The following NXN variants were observed in gnomAD, a reference collection of about 807,000 sequenced individuals.
The protein encoded by NXN is nucleoredoxin, also known as nucleoredoxin 1.
A neutral mutation model predicts 48.6 loss-of-function variants in NXN; 16 were observed. That is an observed-to-expected ratio of 0.33 (90% CI 0.22 to 0.50). The LOEUF is 0.50. NXN is among the 20% of genes least tolerant of loss of function. NXN has a pLI of 0.98. For missense variants in NXN, 492 were observed against 605.5 expected, an observed-to-expected ratio of 0.81 and a Z score of 1.97; for synonymous variants, 281 against 269.6, an observed-to-expected ratio of 1.04 and a Z score of -0.41.
intron 1 of NXN, among the ~76,000 whole-genome samples, chr17:901,520 C>T (rs918207299): frequency 1.3e-5 from 2 of 152,116 alleles, no homozygotes; most frequent in Admixed American, 6.5e-5. Context: ...ATGAAAAGCA[C>T]GGGATCTACC....
chr17:868,123 T>G (rs1185211745), intron 1 of NXN, among the ~76,000 whole-genome samples: 2 of 151,926 alleles, frequency 1.3e-5, no homozygotes, highest in African/African-American at 2.4e-5. Context: ...AGTTCCAGAG[T>G]CATCTCCCTC....
chr17:959,751 G>A (rs543770236), intron 1 of NXN, among the ~76,000 whole-genome samples: 1 of 148,820 alleles, frequency 6.7e-6, no homozygotes, highest in African/African-American at 2.5e-5. Flanking sequence ...CTTAGATCGC[G>A]CCACCACACT....
At chr17:894,143 C>G (rs2068454176) in intron 1 of NXN, among the ~76,000 whole-genome samples, 1 of 130,770 alleles carries the variant, frequency 7.6e-6, no homozygotes, top group Non-Finnish European at 1.6e-5. Flanking sequence ...CTCAAACGCC[C>G]TGGAAGCCAG....
At chr17:975,154 C>T (rs1015772693) in intron 1 of NXN, among the ~76,000 whole-genome samples, 1 of 152,112 alleles carries the variant, frequency 6.6e-6, no homozygotes, top group Non-Finnish European at 1.5e-5. Context: ...TCCTTTATTA[C>T]TAAAAGACTG....
At chr17:970,787 A>T (rs1025206191) in intron 1 of NXN, among the ~76,000 whole-genome samples, 1 of 152,152 alleles carries the variant, frequency 6.6e-6, no homozygotes, top group Non-Finnish European at 1.5e-5. Flanking sequence ...TCCAGCTCTA[A>T]CATACTTGGA....
chr17:905,035 A>C (rs1478001352), intron 1 of NXN: 1 of 152,074 alleles, frequency 6.6e-6, no homozygotes, highest in Non-Finnish European at 1.5e-5. Flanking sequence ...CGGATCTAAC[A>C]CACAGTCCCC....
At chr17:926,928 A>G (rs1350286260) in intron 1 of NXN, among the ~76,000 whole-genome samples, 1 of 152,190 alleles carries the variant, frequency 6.6e-6, no homozygotes, top group South Asian at 2.1e-4. Flanking sequence ...CTCCCATCCA[A>G]TGCAGCCAAG....
rs1002195617 is a variant in NXN at position 919,287 on chromosome 17, A to T, written c.360+60032T>A. Among the ~76,000 whole-genome samples, 20 of 151,814 alleles carry T rather than the reference A, an allele frequency of 1.3e-4. No homozygotes were observed. The highest frequency in any genetic ancestry group is 2.5e-4 in the Non-Finnish European group (17 of 67,934). ...CTGAAGCAGGAGAATAGCTTGAACT[A>T]GGGAGGCAGAGGTTGCAGTGAGCCG... On this transcript the variant is annotated intron_variant, in intron 1 of 7. Transcript: ENST00000336868. This position sits in a 1 kb window ranked among gnomAD's most constrained non-coding sequence, Gnocchi z 5.1.
chr17:875,978 TC>T (rs2068209742), intron 1 of NXN, among the ~76,000 whole-genome samples: 1 of 151,988 alleles, frequency 6.6e-6, no homozygotes, highest in African/African-American at 2.4e-5. Flanking sequence ...GGTCAGGAGA[TC>T]AAGACCATCC....
In NXN at chr17:954,711, G is replaced by A. The variant is rs527588616; in HGVS notation, c.360+24608C>T. Reference sequence around the variant, plus strand: ...CTGCCCGGACGGGCCCCAGGATCACGAGCCTCCTCTCCTTCCCTGATGGCC... The same window carrying A: ...CTGCCCGGACGGGCCCCAGGATCACAAGCCTCCTCTCCTTCCCTGATGGCC... On this transcript the variant is annotated intron_variant, in intron 1 of 7. Coordinates refer to ENST00000336868, the MANE Select transcript of NXN (RefSeq NM_022463.5). Among the ~76,000 whole-genome samples, 5 of 152,296 alleles carry A rather than the reference G, an allele frequency of 3.3e-5. No homozygotes were observed. In the South Asian group the frequency reaches 6.2e-4, roughly 19 times the overall value.
intron 5 of NXN, among the ~76,000 whole-genome samples, chr17:807,742 G>T (rs1308512569): frequency 3.3e-5 from 5 of 152,254 alleles, no homozygotes; most frequent in Non-Finnish European, 7.3e-5. Flanking sequence ...CTGCACGGGG[G>T]AAAGCACCCA....
chr17:959,267 C>A, intron 1 of NXN: 1 of 523,108 alleles, frequency 1.9e-6, no homozygotes. Context: ...CTTCCTTTCC[C>A]CTCCATGACT....
chr17:841,561 CCCCT>C lies in NXN; in HGVS notation c.361-15487_361-15484del, dbSNP rs1567827892. Reference sequence around the variant, plus strand: ...GCATCTCACGCCGGCGAGCAGGTCCCCCCTGACCACGGAGCATCTCACGCCGGCG... The same window carrying C: ...GCATCTCACGCCGGCGAGCAGGTCCCGACCACGGAGCATCTCACGCCGGCG... On this transcript the variant is annotated intron_variant, in intron 1 of 7. Coordinates refer to ENST00000336868, the MANE Select transcript of NXN (RefSeq NM_022463.5). 1.3e-4 allele frequency among the ~76,000 whole-genome samples: 5 copies of C among 37,152 alleles called. 1 individual carries two copies. Among genetic ancestry groups the C allele is most frequent in the South Asian group, 1.8e-3 (2 of 1,094 alleles). The allele number at this position is 37,152 out of a possible 152,430, so 24.4% of individuals were successfully genotyped here.
chr17:948,281 G>T (rs2150614015), intron 1 of NXN, among the ~76,000 whole-genome samples: 1 of 151,872 alleles, frequency 6.6e-6, no homozygotes. Context: ...TTGTATGCCT[G>T]TATCAAAATA....
intron 1 of NXN, chr17:864,117 T>G (rs2068071609): frequency 6.8e-7 from 1 of 1,465,526 alleles, no homozygotes; most frequent in African/African-American, 1.5e-5. Flanking sequence ...CGTTTACCGT[T>G]GCTCACTTCC....
chr17:915,136 A>C (rs1276771402), intron 1 of NXN, among the ~76,000 whole-genome samples: 4 of 152,066 alleles, frequency 2.6e-5, no homozygotes, highest in African/African-American at 9.7e-5. Context: ...GGGTTTCACC[A>C]TATTGGCCAG....
intron 1 of NXN, among the ~76,000 whole-genome samples, chr17:915,148 C>T (rs1171101825): frequency 1.3e-5 from 2 of 152,236 alleles, no homozygotes; most frequent in South Asian, 2.1e-4. Flanking sequence ...ATTGGCCAGG[C>T]TGGCCTCGAA....
chr17:904,786 T>G (rs1235495815), intron 1 of NXN, among the ~76,000 whole-genome samples: 1 of 152,130 alleles, frequency 6.6e-6, no homozygotes, highest in African/African-American at 2.4e-5. Flanking sequence ...TCAGGTGATC[T>G]GCCCACCTCG....
chr17:860,984 C>T (rs1022124225), intron 1 of NXN, among the ~76,000 whole-genome samples: 2 of 151,382 alleles, frequency 1.3e-5, no homozygotes, highest in Non-Finnish European at 3.0e-5. Flanking sequence ...GCCATGATTA[C>T]GGATGTTGCA....
Sources: allele counts gnomAD v4.1 joint callset (sites outside exome capture counted in the v4.1 genomes callset), GRCh38; gene constraint gnomAD v4.1.1; non-coding constraint Gnocchi (gnomAD v3.1); transcripts MANE v1.5; gene names NCBI Gene and HGNC (gene_info 2026-07-23, HGNC 2026-07-21).